TTBK2: variants seen among roughly 807,000 people sequenced by gnomAD.
The protein encoded by TTBK2 is tau-tubulin kinase 2.
Under a neutral mutation model 110.8 loss-of-function variants are expected in TTBK2, and 28 were observed. The observed-to-expected ratio is 0.25, with a 90% CI of 0.19 to 0.35. TTBK2 has a LOEUF of 0.35. Among genes scored for constraint, TTBK2 ranks in the 10% least tolerant of loss-of-function variants. The probability of loss-of-function intolerance (pLI) is 1.00; values close to 1 mark genes in which losing one functional copy is unlikely to be tolerated. For missense variants in TTBK2, 1,369 were observed against 1,500.3 expected (o/e 0.91, Z 1.45); for synonymous variants, 532 against 527.3 (o/e 1.01, Z -0.12).
At chr15:42,786,215 A>C (rs777493249) in intron 10 of TTBK2, among the ~76,000 whole-genome samples, 5 of 152,198 alleles carry the variant, frequency 3.3e-5, no homozygotes, top group African/African-American at 9.6e-5. Flanking sequence ...AGTTTGGCCT[A>C]AAATAGTTCA....
chr15:42,853,058 T>C (rs1270693731), intron 3 of TTBK2, among the ~76,000 whole-genome samples: 1 of 152,160 alleles, frequency 6.6e-6, no homozygotes. Flanking sequence ...TTTCTTCTAT[T>C]CTTATGACTG....
chr15:42,897,738 A>G (rs550778626), intron 1 of TTBK2, among the ~76,000 whole-genome samples: 106 of 152,248 alleles, frequency 7.0e-4, no homozygotes, highest in Non-Finnish European at 1.2e-3. Context: ...GGAGACAATG[A>G]TAAAAATTTG....
In TTBK2 at chr15:42,817,140, A is replaced by T. The variant is rs375661655; in HGVS notation, c.538-43T>A. The T allele has an allele frequency of 4.5e-6, 7 of 1,550,736 alleles. No homozygotes were observed. In the African/African-American group the frequency reaches 6.8e-5, roughly 15 times the overall value. On this transcript the variant is annotated intron_variant, in intron 6 of 14. Transcript: ENST00000267890. ...AAAGAATAATAAATGAGCTTCAAAC[A>T]GCAATACATTCAGCACACTTGAACC...
rs1427057220 is a variant in TTBK2 at position 42,920,490 on chromosome 15, G to A, written c.-120C>T. 6.6e-6 allele frequency: 1 copy of A among 152,512 alleles called. No individual in the cohort carries two copies. The highest frequency in any genetic ancestry group is 2.4e-5 in the African/African-American group (1 of 41,442). The allele number at this position is 152,512 out of a possible 1,614,324, so 9.4% of individuals were successfully genotyped here. A position where few individuals can be genotyped will look rare whatever the true frequency, so the allele number is the denominator to read the frequency against. On this transcript the variant is annotated 5_prime_UTR_variant, in exon 1 of 15. Transcript: ENST00000267890. ...TGGAGGAGGGCTCTGGTCCAGCTCAGGACCGGGACCGGCGGGGGTTAACCC... is the reference window on the plus strand; with the variant it reads ...TGGAGGAGGGCTCTGGTCCAGCTCAAGACCGGGACCGGCGGGGGTTAACCC...
chr15:42,792,611 T>A (rs1460962748), intron 10 of TTBK2, among the ~76,000 whole-genome samples: 1 of 152,124 alleles, frequency 6.6e-6, no homozygotes, highest in African/African-American at 2.4e-5. Context: ...ACAGCTGGAG[T>A]ATGGCACTGG....
chr15:42,784,018 C>A lies in TTBK2; in HGVS notation c.981-383G>T, dbSNP rs144283467. 4.2e-3 allele frequency among the ~76,000 whole-genome samples: 638 copies of A among 151,576 alleles called. 1 individual carries two copies. Among genetic ancestry groups the A allele is most frequent in the African/African-American group, 0.014 (590 of 41,330 alleles). On this transcript the variant is annotated intron_variant, in intron 10 of 14. Transcript: ENST00000267890. ...CGGAGGTTACAGTGAGCCAAGATTG[C>A]GCCACTGCACTCCAGCCTGGGTGAC...
chr15:42,742,975 G>T lies in TTBK2; in HGVS notation c.*2820C>A, dbSNP rs761348498. On this transcript the variant is annotated 3_prime_UTR_variant, in exon 15 of 15. Transcript: ENST00000267890. ...TAAAATAAAAATCCCTGTGTCACAG[G>T]TGCTTGCTCAGGGCTGCCAACTTCT... 2.6e-5 allele frequency: 4 copies of T among 152,138 alleles called. No individual in the cohort carries two copies. The highest frequency in any genetic ancestry group is 5.9e-5 in the Non-Finnish European group (4 of 68,030). 9.4% of individuals were successfully genotyped at this position (152,138 alleles called of 1,614,324 possible). A position where few individuals can be genotyped will look rare whatever the true frequency, so the allele number is the denominator to read the frequency against.
intron 9 of TTBK2, among the ~76,000 whole-genome samples, chr15:42,803,686 A>G (rs1891319325): frequency 6.6e-6 from 1 of 152,210 alleles, no homozygotes; most frequent in African/African-American, 2.4e-5. Context: ...AGCAAAGAGG[A>G]AATAAAAGAA....
Position 42,791,098 on chromosome 15 carries a change from A to G in TTBK2, c.980+3546T>C, listed in dbSNP as rs951903873. Among the ~76,000 whole-genome samples the G allele has an allele frequency of 3.9e-5, 6 of 152,138 alleles. No individual in the cohort carries two copies. In the East Asian group the frequency reaches 9.6e-4, roughly 24 times the overall value. On this transcript the variant is annotated intron_variant, in intron 10 of 14. Transcript: ENST00000267890. ...GAGACGGGGTTTCACTGTGTTAGCCAGGATGGTCTCGATCTGACCTCATGA... is the reference window on the plus strand; with the variant it reads ...GAGACGGGGTTTCACTGTGTTAGCCGGGATGGTCTCGATCTGACCTCATGA...
At chr15:42,756,330 A>T (rs1163662113) in intron 13 of TTBK2, among the ~76,000 whole-genome samples, 3 of 152,184 alleles carry the variant, frequency 2.0e-5, no homozygotes, top group African/African-American at 4.8e-5. Flanking sequence ...TCATGCCTGT[A>T]ATCCCAGCAC....
intron 1 of TTBK2, among the ~76,000 whole-genome samples, chr15:42,916,190 T>C (rs1047066566): frequency 3.3e-5 from 5 of 152,332 alleles, no homozygotes; most frequent in Middle Eastern, 3.4e-3. Context: ...GTTTATTATC[T>C]ACCATATAAT....
intron 4 of TTBK2, among the ~76,000 whole-genome samples, chr15:42,832,003 TTACAG>T (rs1263649644): frequency 6.6e-6 from 1 of 152,186 alleles, no homozygotes; most frequent in Non-Finnish European, 1.5e-5. Flanking sequence ...AGTTTAAAAG[TTACAG>T]TAAAGTCAGG....
At chr15:42,767,182 G>A (rs901633738) in intron 13 of TTBK2, among the ~76,000 whole-genome samples, 1 of 152,086 alleles carries the variant, frequency 6.6e-6, no homozygotes. Flanking sequence ...GAGAAAGCAG[G>A]AAAGATCTAA....
chr15:42,801,393 C>A, intron 9 of TTBK2: 1 of 1,271,272 alleles, frequency 7.9e-7, no homozygotes. Context: ...TAGCTCCCCA[C>A]GCTGCTCGGT....
chr15:42,911,920 A>T (rs1426137209), intron 1 of TTBK2, among the ~76,000 whole-genome samples: 3 of 152,032 alleles, frequency 2.0e-5, no homozygotes, highest in African/African-American at 7.3e-5. Context: ...CTTAGACCAC[A>T]CATGAAATAT....
intron 1 of TTBK2, among the ~76,000 whole-genome samples, chr15:42,897,184 GTTT>G (rs1409849120): frequency 2.0e-5 from 3 of 151,954 alleles, no homozygotes; most frequent in Non-Finnish European, 4.4e-5. Flanking sequence ...GCCACTTTTA[GTTT>G]TTAATACAGT....
intron 3 of TTBK2, among the ~76,000 whole-genome samples, chr15:42,853,263 T>TAA (rs202181236): frequency 2.1e-5 from 3 of 146,100 alleles, no homozygotes; most frequent in East Asian, 2.0e-4. Context: ...TATTTCAGGG[T>TAA]AAAAAAAAAA....
rs576177403 is a variant in TTBK2 at position 42,754,725 on chromosome 15, C to T, written c.1999-1478G>A. ...ACCTGACCAATTTTTAAAGATCAAG[C>T]GGGCTGGGTGCGGTGGCTCACGCCT... On this transcript the variant is annotated intron_variant, in intron 13 of 14. Coordinates refer to ENST00000267890, the MANE Select transcript of TTBK2 (RefSeq NM_173500.4). 3.9e-4 allele frequency among the ~76,000 whole-genome samples: 52 copies of T among 134,626 alleles called. No individual in the cohort carries two copies. In the South Asian group the frequency reaches 0.014, roughly 35 times the overall value. The allele number at this position is 134,626 out of a possible 152,430, so 88.3% of individuals were successfully genotyped here. A position where few individuals can be genotyped will look rare whatever the true frequency, so the allele number is the denominator to read the frequency against.
intron 9 of TTBK2, chr15:42,801,313 C>G (rs1363154714): frequency 1.3e-6 from 2 of 1,527,820 alleles, no homozygotes; most frequent in African/African-American, 2.7e-5. Context: ...AGCTGCCGCG[C>G]CATGTCTTGA....
Sources: allele counts gnomAD v4.1 joint callset (sites outside exome capture counted in the v4.1 genomes callset), GRCh38; gene constraint gnomAD v4.1.1; transcripts MANE v1.5; gene names NCBI Gene and HGNC (gene_info 2026-07-23, HGNC 2026-07-21).